Variants in TGIF2 observed in about 807,000 individuals in gnomAD.
TGIF2 encodes TGFB induced factor homeobox 2.
In TGIF2, 5 loss-of-function variants were observed where a neutral mutation model predicts 15.1. That is an observed-to-expected ratio of 0.33 (90% confidence interval 0.17 to 0.70). The LOEUF (loss-of-function observed/expected upper bound fraction) is 0.70. TGIF2 is among the 30% of genes least tolerant of loss of function. The pLI, the probability that TGIF2 is intolerant of heterozygous loss-of-function variation, is 0.67. For missense variants in TGIF2, 264 were observed against 302.5 expected, an observed-to-expected ratio of 0.87 and a Z score of 0.94; for synonymous variants, 131 against 128.9, an observed-to-expected ratio of 1.02 and a Z score of -0.11.
At chr20:36,574,215 C>T (rs2038363251) in intron 1 of TGIF2, among the ~76,000 whole-genome samples, 1 of 151,876 alleles carries the variant, frequency 6.6e-6, no homozygotes, top group Non-Finnish European at 1.5e-5. Flanking sequence ...CCCTGGGGAG[C>T]CCGCGCGAGT....
intron 2 of TGIF2, among the ~76,000 whole-genome samples, chr20:36,588,613 G>A (rs2038708552): frequency 1.3e-5 from 2 of 152,122 alleles, no homozygotes; most frequent in African/African-American, 4.8e-5. Context: ...GTATGTGTGT[G>A]CATTGGAGCA....
At chr20:36,587,036 A>G (rs1347783940) in intron 2 of TGIF2, among the ~76,000 whole-genome samples, 1 of 152,162 alleles carries the variant, frequency 6.6e-6, no homozygotes, top group Non-Finnish European at 1.5e-5. Context: ...TGCCATATAC[A>G]TCACAGAGTT....
intron 2 of TGIF2, among the ~76,000 whole-genome samples, chr20:36,583,829 G>A (rs1039863939): frequency 3.9e-5 from 6 of 152,106 alleles, no homozygotes; most frequent in African/African-American, 7.2e-5. Flanking sequence ...CCTGGGAAAC[G>A]GAAGTTGGAA....
At chr20:36,582,654 T>C (rs2038570621) in intron 2 of TGIF2, among the ~76,000 whole-genome samples, 1 of 152,214 alleles carries the variant, frequency 6.6e-6, no homozygotes, top group Non-Finnish European at 1.5e-5. Context: ...AGGTCCCACC[T>C]GGAGAAATGT....
chr20:36,591,202 G>A lies in TGIF2; in HGVS notation c.485G>A (p.Ser162Asn), dbSNP rs1272402469. ...ESPKPLVTPG[S>N]TLTLLTRAEA... ...CCCAAGCCCCTGGTGACCCCTGGTAGCACACTTACTCTGCTGACCAGGGCT... is the reference window on the plus strand; with the variant it reads ...CCCAAGCCCCTGGTGACCCCTGGTAACACACTTACTCTGCTGACCAGGGCT... The change falls in exon 3 of 3, where the codon AGC becomes AAC. Residue 162 changes from serine (S) to asparagine (N), a missense_variant. Physicochemically the swap from Ser to Asn is conservative, Grantham distance 46 (BLOSUM62 1). Coordinates refer to ENST00000373872, the MANE Select transcript of TGIF2 (RefSeq NM_021809.7). The surrounding 1 kb of genome is among the most constrained non-coding windows in gnomAD (Gnocchi z 5.3). 2 of 1,614,188 alleles carry A rather than the reference G, an allele frequency of 1.2e-6. No homozygotes were observed. The highest frequency in any genetic ancestry group is 1.1e-5 in the South Asian group (1 of 91,090).
rs375316891 is a variant in TGIF2, at chr20:36,591,029, C to T, written c.312C>T (p.Ala104=). 1.2e-6 allele frequency: 2 copies of T among 1,600,760 alleles called. No homozygotes were observed. The highest frequency in any genetic ancestry group is 1.1e-5 in the South Asian group (1 of 90,340). The change falls in exon 3 of 3, where the codon GCC becomes GCT. Residue 104 remains alanine (A), a synonymous_variant. Transcript: ENST00000373872. This position sits in a 1 kb window ranked among gnomAD's most constrained non-coding sequence, Gnocchi z 5.3. ...GCGGGGGTAAGGCCTCAGATGTGGC[C>T]CTCCCCCGTGGCAGCAGCCCCTCAG... ...SRRGGKASDV[A]LPRGSSPSVL...
chr20:36,576,020 A>G (rs1188817211), intron 1 of TGIF2, among the ~76,000 whole-genome samples: 4 of 151,822 alleles, frequency 2.6e-5, no homozygotes, highest in African/African-American at 7.3e-5. Flanking sequence ...TGAACCTGGG[A>G]GATGGAGATT....
Position 36,592,429 on chromosome 20 carries a change from T to C in TGIF2, c.*998T>C, listed in dbSNP as rs2038784579. On this transcript the variant is annotated 3_prime_UTR_variant, in exon 3 of 3. Transcript: ENST00000373872. ...TCTTTAGTGTTTTTCCCTTTGTTCT[T>C]GAACACTTTTGCCCTGCAGCCTCAG... 1.3e-5 allele frequency: 2 copies of C among 152,368 alleles called. No homozygotes were observed. The highest frequency in any genetic ancestry group is 6.6e-5 in the Admixed American group (1 of 15,256). The allele number at this position is 152,368 out of a possible 1,614,324, so 9.4% of individuals were successfully genotyped here. A position where few individuals can be genotyped will look rare whatever the true frequency, so the allele number is the denominator to read the frequency against.
intron 1 of TGIF2, among the ~76,000 whole-genome samples, chr20:36,577,727 G>A (rs2038461684): frequency 6.7e-6 from 1 of 150,262 alleles, no homozygotes; most frequent in African/African-American, 2.5e-5. Context: ...TGTTGGCCAG[G>A]ATGGTCTCAA....
chr20:36,583,532 G>A (rs1224271003), intron 2 of TGIF2, among the ~76,000 whole-genome samples: 2 of 152,086 alleles, frequency 1.3e-5, no homozygotes, highest in African/African-American at 2.4e-5. Context: ...AGGCCAAGGC[G>A]GGTGGATTAC....
intron 2 of TGIF2, among the ~76,000 whole-genome samples, chr20:36,585,198 CA>C (rs902104955): frequency 1.3e-5 from 2 of 148,258 alleles, no homozygotes; most frequent in African/African-American, 5.0e-5. Context: ...AACTCCATCT[CA>C]AAAAAAAAGA....
At chr20:36,582,230 C>T (rs771858552) in intron 2 of TGIF2, among the ~76,000 whole-genome samples, 3 of 151,982 alleles carry the variant, frequency 2.0e-5, no homozygotes, top group Non-Finnish European at 4.4e-5. Context: ...GAGCGAAACT[C>T]GGTCTCAAAA....
chr20:36,580,123 G>A (rs74901662), intron 2 of TGIF2, among the ~76,000 whole-genome samples: 25 of 152,114 alleles, frequency 1.6e-4, no homozygotes, highest in Non-Finnish European at 2.9e-4. Context: ...TCTCCCACAA[G>A]CTCTCCTGTT....
chr20:36,577,155 T>C (rs2038446693), intron 1 of TGIF2, among the ~76,000 whole-genome samples: 1 of 152,094 alleles, frequency 6.6e-6, no homozygotes, highest in Non-Finnish European at 1.5e-5. Context: ...CTGGGACTAC[T>C]GGCACACCAT....
intron 2 of TGIF2, among the ~76,000 whole-genome samples, chr20:36,585,343 G>C (rs2147932760): frequency 6.6e-6 from 1 of 151,496 alleles, no homozygotes; most frequent in Non-Finnish European, 1.5e-5. Context: ...ACTAAAAATA[G>C]TCCCAGCTAT....
In TGIF2 at chr20:36,590,957, G is replaced by T; in HGVS notation, c.240G>T (p.Met80Ile). ...INARRRLLPDMLRKDGKDPNQ... is the reference protein window; with the variant it reads ...INARRRLLPDILRKDGKDPNQ... ...CCCGGCGGCGGCTTCTCCCAGACAT[G>T]CTTCGGAAGGATGGCAAAGACCCTA... The change falls in exon 3 of 3, where the codon ATG becomes ATT. Residue 80 changes from methionine (M) to isoleucine (I), a missense_variant. By Grantham distance (10) the Met-to-Ile change is conservative (BLOSUM62 1). Coordinates refer to ENST00000373872, the MANE Select transcript of TGIF2 (RefSeq NM_021809.7). The T allele has an allele frequency of 6.5e-7, 1 of 1,530,426 alleles. No homozygotes were observed. The allele number at this position is 1,530,426 out of a possible 1,614,324, so 94.8% of individuals were successfully genotyped here. A position where few individuals can be genotyped will look rare whatever the true frequency, so the allele number is the denominator to read the frequency against.
intron 2 of TGIF2, among the ~76,000 whole-genome samples, chr20:36,583,528 A>G (rs952813345): frequency 2.0e-5 from 3 of 152,136 alleles, no homozygotes; most frequent in Non-Finnish European, 4.4e-5. Context: ...TGGGAGGCCA[A>G]GGCGGGTGGA....
chr20:36,592,443 C>T lies in TGIF2; in HGVS notation c.*1012C>T, dbSNP rs2038784780. On this transcript the variant is annotated 3_prime_UTR_variant, in exon 3 of 3. Coordinates refer to ENST00000373872, the MANE Select transcript of TGIF2 (RefSeq NM_021809.7). Reference sequence around the variant, plus strand: ...CCCTTTGTTCTTGAACACTTTTGCCCTGCAGCCTCAGTTTTGAATTCTTTT... The same window carrying T: ...CCCTTTGTTCTTGAACACTTTTGCCTTGCAGCCTCAGTTTTGAATTCTTTT... The T allele has an allele frequency of 6.6e-6, 1 of 151,826 alleles. No individual in the cohort carries two copies. The highest frequency in any genetic ancestry group is 2.4e-5 in the African/African-American group (1 of 41,180). 9.4% of individuals were successfully genotyped at this position (151,826 alleles called of 1,614,324 possible). A position where few individuals can be genotyped will look rare whatever the true frequency, so the allele number is the denominator to read the frequency against.
chr20:36,587,619 G>C (rs902898811), intron 2 of TGIF2, among the ~76,000 whole-genome samples: 1 of 152,136 alleles, frequency 6.6e-6, no homozygotes, highest in Non-Finnish European at 1.5e-5. Flanking sequence ...TGGGGTGGCT[G>C]CCCAGAACCA....
Sources: gnomAD v4.1 joint callset for allele counts (sites outside exome capture counted in the v4.1 genomes callset) on GRCh38, gnomAD v4.1.1 for gene constraint, Gnocchi (gnomAD v3.1) non-coding constraint, MANE v1.5 for transcripts, NCBI Gene and HGNC (gene_info 2026-07-23, HGNC 2026-07-21) for gene names.